The following KREMEN1 variants were observed in gnomAD, a reference collection of about 807,000 sequenced individuals.
The protein encoded by KREMEN1 is kringle containing transmembrane protein 1, also known as kremen protein 1.
KREMEN1 carries 30 observed loss-of-function variants against 46.5 expected under a neutral mutation model. The ratio of observed to expected loss-of-function variants is 0.65; its 90% CI spans 0.48 to 0.88. The LOEUF is 0.88. Ranked by LOEUF, KREMEN1 falls within the 40% of genes least tolerant of loss-of-function variation. The pLI is 0.00. For missense variants in KREMEN1, 533 were observed against 596.9 expected (o/e 0.89, Z 1.11); for synonymous variants, 214 against 230.6 (o/e 0.93, Z 0.65).
In KREMEN1 at chr22:29,144,014, A is replaced by G. The variant is rs1601814817; in HGVS notation, c.*1902A>G. 4.1e-6 allele frequency: 4 copies of G among 985,556 alleles called. No homozygotes were observed. The highest frequency in any genetic ancestry group is 4.8e-6 in the Non-Finnish European group (4 of 830,012). 61.1% of individuals were successfully genotyped at this position (985,556 alleles called of 1,614,324 possible). A position where few individuals can be genotyped will look rare whatever the true frequency, so the allele number is the denominator to read the frequency against. On this transcript the variant is annotated 3_prime_UTR_variant, in exon 9 of 9. Coordinates refer to ENST00000400335, the MANE Select transcript of KREMEN1 (RefSeq NM_001039570.3). ...GAGAGTAAGTGCCATCACTAATTTAAAAGTCCTTGCCATCTGGAATCAGGC... is the reference window on the plus strand; with the variant it reads ...GAGAGTAAGTGCCATCACTAATTTAGAAGTCCTTGCCATCTGGAATCAGGC...
chr22:29,151,105 C>T (rs1033860783), downstream of KREMEN1, among the ~76,000 whole-genome samples: 2 of 152,156 alleles, frequency 1.3e-5, no homozygotes, highest in African/African-American at 2.4e-5. Flanking sequence ...ACTTCTTTAC[C>T]TATTTGATGA....
intron 3 of KREMEN1, among the ~76,000 whole-genome samples, chr22:29,120,437 T>C: frequency 1.1e-5 from 1 of 88,126 alleles, no homozygotes; most frequent in Non-Finnish European, 2.1e-5. Flanking sequence ...GAGGGAGAGG[T>C]GATGATGGAA....
intron 2 of KREMEN1, among the ~76,000 whole-genome samples, chr22:29,095,895 C>T (rs960562555): frequency 6.6e-6 from 1 of 151,862 alleles, no homozygotes; most frequent in African/African-American, 2.4e-5. Flanking sequence ...ACTTCTCCAA[C>T]ACCACAAATA....
At chr22:29,120,091 G>C (rs71324157) in intron 3 of KREMEN1, among the ~76,000 whole-genome samples, 1 of 65,958 alleles carries the variant, frequency 1.5e-5, no homozygotes, top group Non-Finnish European at 3.6e-5. Flanking sequence ...AAATGGAGGA[G>C]GGAGAGGTGA....
chr22:29,126,699 GGTT>G (rs1372615048), intron 5 of KREMEN1, among the ~76,000 whole-genome samples: 1 of 152,200 alleles, frequency 6.6e-6, no homozygotes, highest in Non-Finnish European at 1.5e-5. Context: ...ACCCAGCCAA[GGTT>G]TATAACTGAG....
At chr22:29,166,956 A>ATG in intron 9 of KREMEN1, 1 of 1,069,844 alleles carries the variant, frequency 9.3e-7, no homozygotes, top group African/African-American at 1.6e-5. Flanking sequence ...AAGAGACCAA[A>ATG]ATCAGTCAAA....
rs188617468 is a variant in KREMEN1 at position 29,090,746 on chromosome 22, C to T, written c.98-3512C>T. ...AAGATGCGCTAGATGACTTTAAATGCAGAGCATTCGAGTTGGTTTCCCTTG... is the reference window on the plus strand; with the variant it reads ...AAGATGCGCTAGATGACTTTAAATGTAGAGCATTCGAGTTGGTTTCCCTTG... On this transcript the variant is annotated intron_variant, in intron 1 of 8. Transcript: ENST00000400335. Among the ~76,000 whole-genome samples, 15 of 152,236 alleles carry T rather than the reference C, an allele frequency of 9.9e-5. No homozygotes were observed. In the South Asian group the frequency reaches 2.3e-3, roughly 23 times the overall value.
At chr22:29,131,594 G>GTATA (rs1405063311) in intron 5 of KREMEN1, among the ~76,000 whole-genome samples, 6 of 121,972 alleles carry the variant, frequency 4.9e-5, no homozygotes, top group African/African-American at 2.5e-4. Context: ...GTGTGTGTGT[G>GTATA]TATATGTATA....
rs185185563 is a variant in KREMEN1, at chr22:29,073,849, T to C, written c.97+622T>C. Among the ~76,000 whole-genome samples, 16 of 151,636 alleles carry C rather than the reference T, an allele frequency of 1.1e-4. No individual in the cohort carries two copies. The East Asian group carries it at 3.1e-3, about 30-fold the overall frequency. ...CCCTGCTCCCCAGTACCTCCTGGGATCCCGCCCCAAGTCCTTCATCGACGC... is the reference window on the plus strand; with the variant it reads ...CCCTGCTCCCCAGTACCTCCTGGGACCCCGCCCCAAGTCCTTCATCGACGC... On this transcript the variant is annotated intron_variant, in intron 1 of 8. Transcript: ENST00000400335. The surrounding 1 kb of genome is among the most constrained non-coding windows in gnomAD (Gnocchi z 4.4).
Position 29,144,946 on chromosome 22 carries a change from G to C in KREMEN1, c.*2834G>C, listed in dbSNP as rs2038831572. The C allele has an allele frequency of 1.0e-6, 1 of 985,422 alleles. No individual in the cohort carries two copies. Among genetic ancestry groups the C allele is most frequent in the Admixed American group, 6.1e-5 (1 of 16,266 alleles). The allele number at this position is 985,422 out of a possible 1,614,324, so 61.0% of individuals were successfully genotyped here. On this transcript the variant is annotated 3_prime_UTR_variant, in exon 9 of 9. Coordinates refer to ENST00000400335, the MANE Select transcript of KREMEN1 (RefSeq NM_001039570.3). ...TCCTGCCTCGCCCTGGCATGGCCCAGCGCCTCTAGGATCAACTTACGATCC... is the reference window on the plus strand; with the variant it reads ...TCCTGCCTCGCCCTGGCATGGCCCACCGCCTCTAGGATCAACTTACGATCC...
chr22:29,088,841 G>A (rs134646), intron 1 of KREMEN1, among the ~76,000 whole-genome samples: 74,730 of 152,030 alleles, frequency 0.49, 19,125 homozygotes, highest in Middle Eastern at 0.62. Flanking sequence ...TGAGGCTCAA[G>A]GAGGTTAGGC....
intron 5 of KREMEN1, among the ~76,000 whole-genome samples, chr22:29,135,163 G>C (rs147313636): frequency 6.6e-6 from 1 of 152,116 alleles, no homozygotes; most frequent in African/African-American, 2.4e-5. Context: ...GCTTTGCATC[G>C]GCTGCAGTAT....
At position 29,121,452 on chromosome 22, in the gene KREMEN1, A is replaced by G; in HGVS notation, c.448A>G (p.Ile150Val). Residue 150 changes from isoleucine (I) to valine (V), a missense_variant, in exon 4 of 9, where the codon ATC (isoleucine) becomes GTC (valine). Ile to Val is a conservative substitution (Grantham distance 29). Coordinates refer to ENST00000400335, the MANE Select transcript of KREMEN1 (RefSeq NM_001039570.3). ...TSNKLTIQTCISFCRSQRFKF... is the reference protein window; with the variant it reads ...TSNKLTIQTCVSFCRSQRFKF... ...CAACAAACTCACCATACAAACTTGC[A>G]TCAGTTTTTGTCGGAGTCAGAGGTT... The G allele has an allele frequency of 6.2e-7, 1 of 1,614,132 alleles. No homozygotes were observed. The highest frequency in any genetic ancestry group is 8.5e-7 in the Non-Finnish European group (1 of 1,180,006).
chr22:29,146,758 A>G lies in KREMEN1; in HGVS notation c.*4646A>G, dbSNP rs1972430534. 2 of 953,578 alleles carry G rather than the reference A, an allele frequency of 2.1e-6. No individual in the cohort carries two copies. The highest frequency in any genetic ancestry group is 2.5e-6 in the Non-Finnish European group (2 of 800,552). 59.1% of individuals were successfully genotyped at this position (953,578 alleles called of 1,614,324 possible). A position where few individuals can be genotyped will look rare whatever the true frequency, so the allele number is the denominator to read the frequency against. Reference sequence around the variant, plus strand: ...AATGGAATGTAATGGTACTTTTACAAACGAGAAAAAATGTTATTTTTACTT... The same window carrying G: ...AATGGAATGTAATGGTACTTTTACAGACGAGAAAAAATGTTATTTTTACTT... On this transcript the variant is annotated 3_prime_UTR_variant, in exon 9 of 9. Coordinates refer to ENST00000400335, the MANE Select transcript of KREMEN1 (RefSeq NM_001039570.3).
intron 3 of KREMEN1, among the ~76,000 whole-genome samples, chr22:29,103,114 T>G (rs2038000506): frequency 6.6e-6 from 1 of 152,232 alleles, no homozygotes; most frequent in South Asian, 2.1e-4. Context: ...TAGGCCACTT[T>G]TGCCCTATTT....
At chr22:29,129,760 C>T (rs2038505141) in intron 5 of KREMEN1, among the ~76,000 whole-genome samples, 1 of 152,132 alleles carries the variant, frequency 6.6e-6, no homozygotes, top group African/African-American at 2.4e-5. Flanking sequence ...GCTGTCTGCT[C>T]AGTCATCACT....
At chr22:29,105,998 G>T (rs945707005) in intron 3 of KREMEN1, among the ~76,000 whole-genome samples, 1 of 152,196 alleles carries the variant, frequency 6.6e-6, no homozygotes, top group African/African-American at 2.4e-5. Flanking sequence ...GATGTGAAAG[G>T]TTCCCATTAT....
At chr22:29,094,530 G>A (rs1390415951) in intron 2 of KREMEN1, 110 bp downstream of exon 2, 7 of 818,386 alleles carry the variant, frequency 8.6e-6, no homozygotes, top group East Asian at 2.8e-5. Context: ...ACCAACTCAA[G>A]AGACTTATCT....
intron 5 of KREMEN1, among the ~76,000 whole-genome samples, chr22:29,126,377 C>G (rs759077941): frequency 6.6e-6 from 1 of 152,182 alleles, no homozygotes; most frequent in African/African-American, 2.4e-5. Context: ...CAGGGCTGTG[C>G]TCTCTCCAAA....
Sources: gnomAD v4.1 joint callset for allele counts (sites outside exome capture counted in the v4.1 genomes callset) on GRCh38, gnomAD v4.1.1 for gene constraint, Gnocchi (gnomAD v3.1) non-coding constraint, MANE v1.5 for transcripts, NCBI Gene and HGNC (gene_info 2026-07-23, HGNC 2026-07-21) for gene names.